ARK2C: variants seen among roughly 807,000 people sequenced by gnomAD.
ARK2C encodes arkadia (RNF111) C-terminal like ring finger ubiquitin ligase 2C, also known as E3 ubiquitin-protein ligase ARK2C.
chr18:46,378,548 G>A, the ARK2C span, among the ~76,000 whole-genome samples: 1,823 of 152,334 alleles, frequency 0.012, 19 homozygotes, highest in East Asian at 0.052. Context: ...GGTGTCAGAT[G>A]ATCCCTCCAT....
chr18:46,351,062 G>A, the ARK2C span, among the ~76,000 whole-genome samples: 14 of 152,224 alleles, frequency 9.2e-5, no homozygotes, highest in East Asian at 1.9e-4. Context: ...CAGAGCTCAC[G>A]TGTGGCAGAG....
the ARK2C span, chr18:46,335,915 G>A: frequency 1.0e-6 from 1 of 985,308 alleles, no homozygotes; most frequent in Non-Finnish European, 1.2e-6. Context: ...TCGCTGCTGT[G>A]TGCGCTGTGA....
chr18:46,359,235 G>A, the ARK2C span, among the ~76,000 whole-genome samples: 3 of 152,236 alleles, frequency 2.0e-5, no homozygotes, highest in Non-Finnish European at 4.4e-5. Context: ...TGGGCCAGGT[G>A]GGCTGTTCCC....
chr18:46,453,975 T>C, the ARK2C span, among the ~76,000 whole-genome samples: 1 of 150,946 alleles, frequency 6.6e-6, no homozygotes, highest in African/African-American at 2.4e-5. Context: ...TAGCTGAACA[T>C]GATGGTGTGC....
At chr18:46,350,555 A>C in the ARK2C span, among the ~76,000 whole-genome samples, 1 of 152,270 alleles carries the variant, frequency 6.6e-6, no homozygotes, top group African/African-American at 2.4e-5. Flanking sequence ...CCCCTGCAGC[A>C]GTTACAGCAA....
chr18:46,371,433 C>T, the ARK2C span, among the ~76,000 whole-genome samples: 1 of 152,142 alleles, frequency 6.6e-6, no homozygotes, highest in African/African-American at 2.4e-5. Flanking sequence ...ATGACCCAGG[C>T]CCTGACTGGA....
the ARK2C span, chr18:46,334,202 G>A: frequency 2.1e-6 from 2 of 952,214 alleles, no homozygotes; most frequent in Non-Finnish European, 1.2e-6. This position sits in a 1 kb window ranked among gnomAD's most constrained non-coding sequence, Gnocchi z 4.4. Flanking sequence ...CGCCGCCCGC[G>A]CCCGCGCCCC....
chr18:46,451,559 C>T, the ARK2C span, among the ~76,000 whole-genome samples: 4 of 152,102 alleles, frequency 2.6e-5, no homozygotes, highest in Non-Finnish European at 5.9e-5. Flanking sequence ...CTTTGGAAGG[C>T]TAAGGATGGA....
At chr18:46,392,170 A>G in the ARK2C span, among the ~76,000 whole-genome samples, 1 of 152,124 alleles carries the variant, frequency 6.6e-6, no homozygotes, top group Admixed American at 6.6e-5. Flanking sequence ...CACGTGTACC[A>G]CACACATGCA....
chr18:46,394,174 G>A, the ARK2C span, among the ~76,000 whole-genome samples: 7,289 of 152,252 alleles, frequency 0.048, 200 homozygotes, highest in Middle Eastern at 0.082. Flanking sequence ...CCCTGCCGAG[G>A]GACAGAATTT....
chr18:46,394,298 C>T, the ARK2C span, among the ~76,000 whole-genome samples: 41 of 152,300 alleles, frequency 2.7e-4, 1 homozygote, highest in South Asian at 3.9e-3. Context: ...TCTCTAGTTG[C>T]GTCCCAGCTC....
chr18:46,353,709 G>A, the ARK2C span, among the ~76,000 whole-genome samples: 1 of 152,208 alleles, frequency 6.6e-6, no homozygotes, highest in Non-Finnish European at 1.5e-5. Flanking sequence ...CCTTCCCACA[G>A]CGTTGTGGCC....
At chr18:46,421,897 C>T in the ARK2C span, among the ~76,000 whole-genome samples, 290 of 152,304 alleles carry the variant, frequency 1.9e-3, no homozygotes, top group African/African-American at 6.8e-3. Flanking sequence ...GGAAGCATCA[C>T]AAAGCTGCTC....
At chr18:46,409,763 C>A in the ARK2C span, among the ~76,000 whole-genome samples, 8 of 152,216 alleles carry the variant, frequency 5.3e-5, no homozygotes, top group African/African-American at 1.7e-4. Flanking sequence ...CTTCAGGCGT[C>A]TTGCTTTCTT....
At chr18:46,352,329 C>T in the ARK2C span, among the ~76,000 whole-genome samples, 43,060 of 152,144 alleles carry the variant, frequency 0.28, 7,013 homozygotes, top group African/African-American at 0.45. Flanking sequence ...TCAGTTTGCA[C>T]TGGCTATATT....
the ARK2C span, among the ~76,000 whole-genome samples, chr18:46,368,828 A>C: frequency 1.3e-5 from 2 of 152,208 alleles, no homozygotes; most frequent in Non-Finnish European, 2.9e-5. Flanking sequence ...CAATATCCTC[A>C]TGTTTCAAAT....
At chr18:46,422,632 C>T in the ARK2C span, among the ~76,000 whole-genome samples, 1 of 152,242 alleles carries the variant, frequency 6.6e-6, no homozygotes, top group Admixed American at 6.5e-5. Flanking sequence ...TCTGTGCCTT[C>T]ACAGATGGTG....
the ARK2C span, among the ~76,000 whole-genome samples, chr18:46,398,685 G>A: frequency 6.6e-6 from 1 of 151,970 alleles, no homozygotes; most frequent in Non-Finnish European, 1.5e-5. Flanking sequence ...AGAGCACACG[G>A]TCTAGCCCCA....
At chr18:46,375,841 A>G in the ARK2C span, among the ~76,000 whole-genome samples, 1 of 152,254 alleles carries the variant, frequency 6.6e-6, no homozygotes, top group East Asian at 1.9e-4. Context: ...ACATCAAACA[A>G]CTGGAGGTTG....
Sources: allele counts gnomAD v4.1 joint callset (sites outside exome capture counted in the v4.1 genomes callset), GRCh38; gene constraint gnomAD v4.1.1; non-coding constraint Gnocchi (gnomAD v3.1); transcripts MANE v1.5; gene names NCBI Gene and HGNC (gene_info 2026-07-23, HGNC 2026-07-21).